Variants in CEP112 observed in about 807,000 individuals in gnomAD.
CEP112 encodes centrosomal protein of 112 kDa.
A neutral mutation model predicts 153.0 loss-of-function variants in CEP112; 127 were observed. The observed-to-expected ratio is 0.83, with a 90% CI of 0.72 to 0.96. The LOEUF (loss-of-function observed/expected upper bound fraction) is 0.96. CEP112 is among the 40% of genes least tolerant of loss of function. The pLI is 0.00. For missense variants in CEP112, 1,089 were observed against 1,101.2 expected (o/e 0.99, Z 0.16); for synonymous variants, 358 against 374.4 (o/e 0.96, Z 0.51).
At chr17:66,137,369 A>C (rs1201182591) in intron 4 of CEP112, among the ~76,000 whole-genome samples, 1 of 152,108 alleles carries the variant, frequency 6.6e-6, no homozygotes, top group African/African-American at 2.4e-5. Flanking sequence ...GCCAATTTAC[A>C]TATTACTAAA....
chr17:65,808,585 T>C (rs896188180), intron 21 of CEP112, among the ~76,000 whole-genome samples: 2 of 152,096 alleles, frequency 1.3e-5, no homozygotes, highest in Non-Finnish European at 2.9e-5. Flanking sequence ...ACTTCCCCCT[T>C]GCTGTTCTTG....
intron 18 of CEP112, among the ~76,000 whole-genome samples, chr17:65,930,067 C>T (rs2061068880): frequency 2.0e-5 from 3 of 152,128 alleles, no homozygotes; most frequent in Admixed American, 6.5e-5. Flanking sequence ...TTGTCTGAGG[C>T]AATTACCAGC....
intron 21 of CEP112, chr17:65,825,991 T>A: frequency 2.6e-6 from 2 of 768,292 alleles, no homozygotes; most frequent in South Asian, 3.3e-5. Flanking sequence ...TTCTGTTCAA[T>A]GTGATTGCAG....
chr17:66,118,129 C>CT (rs2069391268), intron 6 of CEP112, among the ~76,000 whole-genome samples: 1 of 152,104 alleles, frequency 6.6e-6, no homozygotes. Context: ...AAAAATAGAA[C>CT]TACCATAAGA....
intron 12 of CEP112, among the ~76,000 whole-genome samples, chr17:66,036,370 TACC>T (rs1160166624): frequency 9.8e-5 from 11 of 112,330 alleles, no homozygotes; most frequent in Admixed American, 1.5e-4. Flanking sequence ...TATGTGTTTT[TACC>T]ACAATAAAAA....
chr17:65,955,199 G>A (rs535586147), intron 18 of CEP112, among the ~76,000 whole-genome samples: 3 of 152,180 alleles, frequency 2.0e-5, no homozygotes, highest in African/African-American at 7.2e-5. Flanking sequence ...CAAGGAGTGG[G>A]GTCTTATTTT....
intron 17 of CEP112, among the ~76,000 whole-genome samples, chr17:66,003,735 A>C (rs2064154223): frequency 6.6e-6 from 1 of 152,194 alleles, no homozygotes; most frequent in African/African-American, 2.4e-5. Context: ...CAGCATTGCC[A>C]CCTGAGCTCC....
chr17:66,029,051 A>T, intron 14 of CEP112, 72 bp downstream of exon 14: 1 of 1,151,460 alleles, frequency 8.7e-7, no homozygotes, highest in Non-Finnish European at 1.2e-6. Flanking sequence ...AATAATTTCT[A>T]CTTGGCTATC....
At chr17:65,928,052 T>A (rs1170650916) in intron 18 of CEP112, among the ~76,000 whole-genome samples, 1 of 152,174 alleles carries the variant, frequency 6.6e-6, no homozygotes, top group Non-Finnish European at 1.5e-5. Context: ...ATATCTTGAA[T>A]ATATAAAGAA....
intron 17 of CEP112, among the ~76,000 whole-genome samples, chr17:65,971,591 G>A (rs1464729383): frequency 1.3e-5 from 2 of 150,638 alleles, no homozygotes; most frequent in Non-Finnish European, 2.9e-5. Flanking sequence ...TATATTACAT[G>A]CATGCATATT....
chr17:65,850,153 C>CAAAAAA (rs57086665), intron 21 of CEP112, among the ~76,000 whole-genome samples: 1 of 35,714 alleles, frequency 2.8e-5, no homozygotes, highest in Admixed American at 2.6e-4. Context: ...GACTCTGTCT[C>CAAAAAA]AAAAAAAAAA....
At position 66,001,368 on chromosome 17, in the gene CEP112, T is replaced by C. The variant is rs544604549; in HGVS notation, c.1736+4322A>G. Reference sequence around the variant, plus strand: ...TTAGACCTTTGTCAGATGCATAGCTTGCAAATATTTTCTCCCATTCTGTAG... The same window carrying C: ...TTAGACCTTTGTCAGATGCATAGCTCGCAAATATTTTCTCCCATTCTGTAG... On this transcript the variant is annotated intron_variant, in intron 17 of 26. Coordinates refer to ENST00000535342, the MANE Select transcript of CEP112 (RefSeq NM_001199165.4). 3.9e-5 allele frequency among the ~76,000 whole-genome samples: 6 copies of C among 152,338 alleles called. No homozygotes were observed. In the South Asian group the frequency reaches 1.2e-3, roughly 32 times the overall value.
chr17:65,724,070 T>G (rs960314724), intron 23 of CEP112, among the ~76,000 whole-genome samples: 7 of 152,070 alleles, frequency 4.6e-5, no homozygotes, highest in Non-Finnish European at 4.4e-5. Context: ...GGGGTTGTTC[T>G]TTTTTTTAAT....
intron 12 of CEP112, among the ~76,000 whole-genome samples, chr17:66,049,109 T>A (rs1352252232): frequency 6.6e-6 from 1 of 152,168 alleles, no homozygotes; most frequent in Non-Finnish European, 1.5e-5. Flanking sequence ...AAAGGAGAGT[T>A]CAACAGTGGT....
At chr17:65,942,232 G>A (rs2061527513) in intron 18 of CEP112, among the ~76,000 whole-genome samples, 1 of 152,080 alleles carries the variant, frequency 6.6e-6, no homozygotes, top group Admixed American at 6.5e-5. Flanking sequence ...TGCATGCGAG[G>A]GATCTAGGTT....
At chr17:65,943,911 T>A (rs1283831209) in intron 18 of CEP112, among the ~76,000 whole-genome samples, 2 of 152,192 alleles carry the variant, frequency 1.3e-5, no homozygotes, top group Non-Finnish European at 2.9e-5. Context: ...GTTCATTTAT[T>A]TTCATTCTTT....
At chr17:65,649,075 C>CAAACAA (rs753367435) in intron 24 of CEP112, among the ~76,000 whole-genome samples, 117 of 94,500 alleles carry the variant, frequency 1.2e-3, no homozygotes, top group African/African-American at 3.2e-3. Context: ...AACAAACAAA[C>CAAACAA]ACACACACAC....
intron 6 of CEP112, among the ~76,000 whole-genome samples, chr17:66,108,244 G>T (rs1436434243): frequency 6.6e-6 from 1 of 152,098 alleles, no homozygotes; most frequent in Non-Finnish European, 1.5e-5. Context: ...AGTGGGCAAA[G>T]ATTTCTTCAG....
chr17:65,717,152 A>G (rs2049573819), intron 23 of CEP112, among the ~76,000 whole-genome samples: 1 of 152,212 alleles, frequency 6.6e-6, no homozygotes. Context: ...TGGGAAATAT[A>G]ATTTGCTCAG....
Sources: gnomAD v4.1 joint callset for allele counts (sites outside exome capture counted in the v4.1 genomes callset) on GRCh38, gnomAD v4.1.1 for gene constraint, MANE v1.5 for transcripts, NCBI Gene and HGNC (gene_info 2026-07-23, HGNC 2026-07-21) for gene names.